Variants in NEBL observed in about 807,000 individuals in gnomAD.
NEBL encodes the protein nebulette, also known as LIM and SH3 protein 2.
NEBL carries 122 observed loss-of-function variants against 140.2 expected under a neutral mutation model. The ratio of observed to expected loss-of-function variants is 0.87; its 90% confidence interval spans 0.75 to 1.01. The LOEUF (loss-of-function observed/expected upper bound fraction) is 1.01, where lower values mean the gene tolerates loss of function less well. Ranked by LOEUF, NEBL falls within the 50% of genes least tolerant of loss-of-function variation. The pLI, the probability that NEBL is intolerant of heterozygous loss-of-function variation, is 0.00. For missense variants in NEBL, 1,365 were observed against 1,231.3 expected (o/e 1.11, Z -1.62); for synonymous variants, 436 against 398.9 (o/e 1.09, Z -1.11).
At chr10:20,859,668 G>A in intron 8 of NEBL, 45 bp downstream of exon 8, 5 of 1,260,692 alleles carry the variant, frequency 4.0e-6, no homozygotes, top group Non-Finnish European at 5.8e-6. Flanking sequence ...AAAAAAACAA[G>A]AATCAAAAGA....
intron 4 of NEBL, among the ~76,000 whole-genome samples, chr10:20,918,096 T>C (rs1018290775): frequency 2.0e-5 from 3 of 152,152 alleles, no homozygotes; most frequent in African/African-American, 7.2e-5. Context: ...CAGTGACTCA[T>C]GCCTGTAATC....
chr10:21,243,779 T>C (rs960590216), intron 3 of NEBL, among the ~76,000 whole-genome samples: 6 of 152,116 alleles, frequency 3.9e-5, no homozygotes, highest in Non-Finnish European at 7.4e-5. Context: ...ACAGCGGCAA[T>C]GGGGACATTC....
intron 1 of NEBL, among the ~76,000 whole-genome samples, chr10:21,172,678 AG>A (rs1426719605): frequency 6.6e-6 from 1 of 152,082 alleles, no homozygotes; most frequent in Non-Finnish European, 1.5e-5. Context: ...GGAGTCTTAA[AG>A]GAAAACCCAC....
At position 20,782,656 on chromosome 10, in the gene NEBL, T is replaced by C. The variant is rs1395084440; in HGVS notation, c.*3091A>G. On this transcript the variant is annotated 3_prime_UTR_variant, in exon 28 of 28. Coordinates refer to ENST00000377122, the MANE Select transcript of NEBL (RefSeq NM_006393.3). ...TGCTTGTGGAAACTGTGCTTACAAA[T>C]GCCTGTGTGGTGTATGGAGGTCGAG... 6.6e-6 allele frequency: 1 copy of C among 152,232 alleles called. No homozygotes were observed. The highest frequency in any genetic ancestry group is 1.5e-5 in the Non-Finnish European group (1 of 68,064). 9.4% of individuals were successfully genotyped at this position (152,232 alleles called of 1,614,324 possible).
chr10:20,904,876 C>A (rs1273799534), intron 4 of NEBL, among the ~76,000 whole-genome samples: 1 of 152,244 alleles, frequency 6.6e-6, no homozygotes, highest in Non-Finnish European at 1.5e-5. Flanking sequence ...GGCTTGATCA[C>A]TCTTGGCAAT....
chr10:20,887,454 TGTTGCTCTA>T (rs1223921755), intron 4 of NEBL, among the ~76,000 whole-genome samples: 1 of 146,816 alleles, frequency 6.8e-6, no homozygotes, highest in Non-Finnish European at 1.5e-5. Flanking sequence ...AGGCTCACTC[TGTTGCTCTA>T]GTTGGAGTGC....
chr10:21,060,367 G>A (rs1002075984), intron 2 of NEBL, among the ~76,000 whole-genome samples: 7 of 152,162 alleles, frequency 4.6e-5, no homozygotes, highest in African/African-American at 1.7e-4. Context: ...GTCATCACAA[G>A]GCACAGAATT....
chr10:20,834,311 A>G (rs1166192928), intron 14 of NEBL, among the ~76,000 whole-genome samples: 2 of 152,180 alleles, frequency 1.3e-5, no homozygotes, highest in African/African-American at 2.4e-5. Context: ...ACTTATAACA[A>G]TGACTATCTC....
chr10:20,999,777 G>T (rs1207787034), intron 3 of NEBL, among the ~76,000 whole-genome samples: 1 of 152,158 alleles, frequency 6.6e-6, no homozygotes, highest in African/African-American at 2.4e-5. Context: ...TGCCGTGGAG[G>T]CTGTGAAGCC....
chr10:20,996,033 T>C lies in NEBL; in HGVS notation c.249+24084A>G, dbSNP rs1176629939. Reference sequence around the variant, plus strand: ...TGGCCAGATTCCTTCACACAACTTATCTTCGCCAGCAAGGTTTAGAGAACA... The same window carrying C: ...TGGCCAGATTCCTTCACACAACTTACCTTCGCCAGCAAGGTTTAGAGAACA... On this transcript the variant is annotated intron_variant, in intron 3 of 6. Coordinates refer to the NEBL transcript ENST00000417816. Among the ~76,000 whole-genome samples the C allele has an allele frequency of 2.6e-5, 4 of 152,208 alleles. No individual in the cohort carries two copies. The South Asian group carries it at 6.2e-4, about 24-fold the overall frequency.
At chr10:21,037,955 C>G (rs1289845282) in intron 2 of NEBL, among the ~76,000 whole-genome samples, 1 of 152,008 alleles carries the variant, frequency 6.6e-6, no homozygotes, top group African/African-American at 2.4e-5. Context: ...CCCAGCAGAA[C>G]GAGCAAAAAT....
intron 3 of NEBL, among the ~76,000 whole-genome samples, chr10:21,247,099 C>T (rs1056694268): frequency 6.6e-6 from 1 of 152,124 alleles, no homozygotes; most frequent in Non-Finnish European, 1.5e-5. Context: ...GCCTGCTTCC[C>T]CTTTGCCCTT....
chr10:20,954,425 G>A (rs1835681581), intron 4 of NEBL, among the ~76,000 whole-genome samples: 1 of 152,186 alleles, frequency 6.6e-6, no homozygotes, highest in African/African-American at 2.4e-5. Context: ...CTGAGGGTAG[G>A]AAAACTCATA....
upstream of NEBL, chr10:21,175,173 G>C (rs1209013046): frequency 1.3e-5 from 2 of 152,148 alleles, no homozygotes; most frequent in East Asian, 3.8e-4. Context: ...ACACAGCCTG[G>C]GTTCAAAGCC....
chr10:20,988,088 T>C (rs1441398770), intron 3 of NEBL, among the ~76,000 whole-genome samples: 1 of 152,322 alleles, frequency 6.6e-6, no homozygotes, highest in Admixed American at 6.5e-5. Flanking sequence ...TCTCCCCTTC[T>C]GCTGTCTGTG....
chr10:20,919,608 T>C (rs1418938128), intron 4 of NEBL, among the ~76,000 whole-genome samples: 2 of 152,202 alleles, frequency 1.3e-5, no homozygotes, highest in East Asian at 1.9e-4. Context: ...GACAACCCCT[T>C]AATAAATAAT....
chr10:21,062,726 T>G (rs913133265), intron 2 of NEBL, among the ~76,000 whole-genome samples: 1 of 152,046 alleles, frequency 6.6e-6, no homozygotes, highest in African/African-American at 2.4e-5. Context: ...TTCCTTTTGT[T>G]TCCCTATCTG....
chr10:20,999,845 C>G (rs539540528), intron 3 of NEBL, among the ~76,000 whole-genome samples: 439 of 152,144 alleles, frequency 2.9e-3, no homozygotes, highest in Non-Finnish European at 5.4e-3. Context: ...TTTCTTCTCC[C>G]ATAATAATCT....
chr10:21,095,998 G>A (rs907355736), intron 2 of NEBL, among the ~76,000 whole-genome samples: 1 of 152,094 alleles, frequency 6.6e-6, no homozygotes, highest in African/African-American at 2.4e-5. Flanking sequence ...TTATCCTCTG[G>A]CTCTAACATT....
Sources: gnomAD v4.1 joint callset for allele counts (sites outside exome capture counted in the v4.1 genomes callset) on GRCh38, gnomAD v4.1.1 for gene constraint, MANE v1.5 for transcripts, NCBI Gene and HGNC (gene_info 2026-07-23, HGNC 2026-07-21) for gene names.